PRKD2: variants seen among roughly 807,000 people sequenced by gnomAD.
PRKD2 encodes the protein serine/threonine-protein kinase D2.
In PRKD2, 22 loss-of-function variants were observed where a neutral mutation model predicts 86.0. The ratio of observed to expected loss-of-function variants is 0.26; its 90% CI spans 0.18 to 0.37. The LOEUF is 0.37. Ranked by LOEUF, PRKD2 falls within the 10% of genes least tolerant of loss-of-function variation. The pLI is 1.00. For missense variants in PRKD2, 818 were observed against 1,199.2 expected (o/e 0.68, Z 4.70); for synonymous variants, 509 against 510.9 (o/e 1.00, Z 0.05).
intron 8 of PRKD2, 80 bp downstream of exon 8, chr19:46,697,652 AC>A: frequency 1.5e-6 from 2 of 1,320,808 alleles, no homozygotes; most frequent in South Asian, 2.5e-5. Flanking sequence ...AGCCCCACCC[AC>A]CTAGCCCCGC....
chr19:46,691,084 G>A (rs2053477154), intron 12 of PRKD2, among the ~76,000 whole-genome samples: 1 of 152,102 alleles, frequency 6.6e-6, no homozygotes, highest in Non-Finnish European at 1.5e-5. Flanking sequence ...GAGTCTTAGA[G>A]TTTAGAGTGT....
chr19:46,691,554 C>T (rs950885200), intron 12 of PRKD2, among the ~76,000 whole-genome samples, 181 bp downstream of exon 12: 4 of 152,134 alleles, frequency 2.6e-5, no homozygotes, highest in African/African-American at 9.7e-5. Flanking sequence ...ATTGGTTTTT[C>T]CCAATGAGAA....
chr19:46,700,713 G>A, intron 7 of PRKD2, 86 bp downstream of exon 7: 1 of 1,497,222 alleles, frequency 6.7e-7, no homozygotes. Flanking sequence ...ATGAGGTGAT[G>A]TCAGCCCATT....
chr19:46,674,815 C>T, intron 17 of PRKD2, 80 bp from the exon 18 acceptor site: 1 of 1,446,978 alleles, frequency 6.9e-7, no homozygotes, highest in Non-Finnish European at 9.3e-7. Context: ...CCACTGAGAG[C>T]TGGGTACCAA....
In PRKD2 at chr19:46,701,041, T is replaced by A. The variant is rs747061893; in HGVS notation, c.961A>T (p.Asn321Tyr). 2.5e-6 allele frequency: 4 copies of A among 1,614,190 alleles called. No homozygotes were observed. The highest frequency in any genetic ancestry group is 2.5e-6 in the Non-Finnish European group (3 of 1,180,034). ...PNDCLGEALI[N>Y]GDVPMEEATD... ...CATCCCCCCAGCCTCTCACCTCCAT[T>A]GATAAGGGCCTCCCCCAGGCAGTCA... Residue 321 changes from asparagine (N) to tyrosine (Y), a missense_variant, in exon 6 of 18, where the codon AAT becomes TAT. This residue lies in a region of PRKD2 where 403 missense variants were observed against 518.6 expected (regional missense o/e 0.78). Transcript: ENST00000291281.
Position 46,693,819 on chromosome 19 carries a change from C to A in PRKD2, c.1576+56G>T, listed in dbSNP as rs1000506948. ...TCTTTGGCCCTTCCATTCCCCAGAA[C>A]CGTGCCCCACCCATCTAGATCTATT... On this transcript the variant is annotated intron_variant, in intron 10 of 17. Coordinates refer to ENST00000291281, the MANE Select transcript of PRKD2 (RefSeq NM_016457.5). This position sits in a 1 kb window ranked among gnomAD's most constrained non-coding sequence, Gnocchi z 4.5. The A allele has an allele frequency of 3.9e-6, 6 of 1,531,410 alleles. No homozygotes were observed. The highest frequency in any genetic ancestry group is 2.5e-5 in the South Asian group (2 of 80,932). 94.9% of individuals were successfully genotyped at this position (1,531,410 alleles called of 1,614,324 possible).
intron 13 of PRKD2, among the ~76,000 whole-genome samples, chr19:46,690,000 A>G (rs1435023269): frequency 2.0e-5 from 3 of 152,052 alleles, no homozygotes; most frequent in Non-Finnish European, 4.4e-5. Context: ...TCAGCCTCCC[A>G]AAGTGCTGGG....
chr19:46,712,708 C>A (rs1234977082), intron 2 of PRKD2, among the ~76,000 whole-genome samples: 1 of 152,202 alleles, frequency 6.6e-6, no homozygotes, highest in African/African-American at 2.4e-5. Context: ...GTCATTCATT[C>A]ATTGAGCCGG....
In PRKD2 at chr19:46,701,088, C is replaced by T. The variant is rs142714532; in HGVS notation, c.914G>A (p.Arg305His). 3 of 1,614,022 alleles carry T rather than the reference C, an allele frequency of 1.9e-6. No homozygotes were observed. The highest frequency in any genetic ancestry group is 2.7e-5 in the African/African-American group (2 of 74,894). ...GTCATTAGGGACGCGGGTGGCGCAG[C>T]GTTTGTGACAGTTAAACTTGCAGTC... ...CKDCKFNCHK[R>H]CATRVPNDCL... Residue 305 changes from arginine (R) to histidine (H), a missense_variant, in exon 6 of 18, where the codon CGC becomes CAC. Coordinates refer to ENST00000291281, the MANE Select transcript of PRKD2 (RefSeq NM_016457.5).
intron 14 of PRKD2, among the ~76,000 whole-genome samples, chr19:46,688,438 TATTA>T (rs779338282): frequency 1.4e-5 from 2 of 145,426 alleles, no homozygotes; most frequent in Non-Finnish European, 3.0e-5. Context: ...TTATTATTAT[TATTA>T]TTTTTTTTTT....
In PRKD2 at chr19:46,674,649, C is replaced by T; in HGVS notation, c.2511G>A (p.Trp837Ter). The T allele has an allele frequency of 1.9e-6, 3 of 1,607,610 alleles. No individual in the cohort carries two copies. The highest frequency in any genetic ancestry group is 2.5e-6 in the Non-Finnish European group (3 of 1,179,936). ...YITHESDDARWEQFAAEHPLP... is the reference protein window; with the variant it reads ...YITHESDDAR ...GCGGATGCTCTGCTGCAAACTGCTC[C>T]CAGCGCGCGTCGTCACTCTCATGCG... is the stretch of plus-strand genomic sequence containing the variant. Residue 837 changes from tryptophan (W) to a stop codon, truncating the protein, a stop_gained, in exon 18 of 18, where the codon TGG (tryptophan) becomes TGA (stop). Coordinates refer to ENST00000291281, the MANE Select transcript of PRKD2 (RefSeq NM_016457.5). LOFTEE classifies it low-confidence loss of function (END_TRUNC).
chr19:46,714,209 G>C (rs2053850761), intron 1 of PRKD2: 6 of 1,326,304 alleles, frequency 4.5e-6, no homozygotes, highest in Admixed American at 3.2e-5. Context: ...GGGGGCGCCG[G>C]CGTGGGTTTG....
At chr19:46,695,065 T>C (rs139296839) in intron 9 of PRKD2, among the ~76,000 whole-genome samples, 1 of 152,020 alleles carries the variant, frequency 6.6e-6, no homozygotes, top group Non-Finnish European at 1.5e-5. Context: ...TAGCCAGGTG[T>C]GGTGGTGCGC....
intron 16 of PRKD2, among the ~76,000 whole-genome samples, chr19:46,676,632 G>A (rs1484393394): frequency 2.6e-5 from 4 of 152,190 alleles, no homozygotes; most frequent in Non-Finnish European, 2.9e-5. Flanking sequence ...CCGAGGAGAG[G>A]CCTGGTGCAC....
At chr19:46,697,600 G>T (rs1315287431) in intron 8 of PRKD2, 133 bp downstream of exon 8, 2 of 765,660 alleles carry the variant, frequency 2.6e-6, no homozygotes, top group Non-Finnish European at 4.3e-6. Flanking sequence ...CCCGCCTCCA[G>T]CACGGCCCAG....
rs773649267 is a variant in PRKD2, at chr19:46,690,748, C to A, written c.1703-42G>T. Reference sequence around the variant, plus strand: ...AGAGATGGGGGATGAGAGAGCAAGACCACCCAGTCCTGGCAGGAGTATCTC... The same window carrying A: ...AGAGATGGGGGATGAGAGAGCAAGAACACCCAGTCCTGGCAGGAGTATCTC... On this transcript the variant is annotated intron_variant, in intron 12 of 17. Transcript: ENST00000291281. The A allele has an allele frequency of 1.1e-5, 17 of 1,552,346 alleles. No homozygotes were observed. In the East Asian group the frequency reaches 1.3e-4, roughly 12 times the overall value.
intron 3 of PRKD2, among the ~76,000 whole-genome samples, chr19:46,707,099 G>A (rs1340367491): frequency 6.6e-6 from 1 of 151,168 alleles, no homozygotes; most frequent in Admixed American, 6.6e-5. Context: ...TCACCATGTT[G>A]GCCAGGCTGG....
At chr19:46,702,031 G>GTTTTTTT (rs869150137) in intron 5 of PRKD2, among the ~76,000 whole-genome samples, 3 of 122,158 alleles carry the variant, frequency 2.5e-5, no homozygotes, top group Admixed American at 9.0e-5. Flanking sequence ...CTATGATTCT[G>GTTTTTTT]TTTTTTGTTT....
At chr19:46,715,077 TCA>T (rs2053865980) in intron 1 of PRKD2, among the ~76,000 whole-genome samples, 1 of 152,132 alleles carries the variant, frequency 6.6e-6, no homozygotes, top group Non-Finnish European at 1.5e-5. Context: ...TCCAACATGC[TCA>T]CATTATAGAA....
Sources: allele counts gnomAD v4.1 joint callset (sites outside exome capture counted in the v4.1 genomes callset), GRCh38; gene constraint gnomAD v4.1.1; regional missense constraint gnomAD v4.1.1; non-coding constraint Gnocchi (gnomAD v3.1); transcripts MANE v1.5; gene names NCBI Gene and HGNC (gene_info 2026-07-23, HGNC 2026-07-21).